The following PLD5 variants were observed in gnomAD, a reference collection of about 807,000 sequenced individuals.
PLD5 encodes inactive phospholipase D5.
PLD5 carries 36 observed loss-of-function variants against 61.1 expected under a neutral mutation model. The ratio of observed to expected loss-of-function variants is 0.59; its 90% CI spans 0.45 to 0.78. The LOEUF (loss-of-function observed/expected upper bound fraction) is 0.78, where lower values mean the gene tolerates loss of function less well. Ranked by LOEUF, PLD5 falls within the 30% of genes least tolerant of loss-of-function variation. PLD5 has a pLI of 0.00. For missense variants in PLD5, 515 were observed against 644.4 expected (o/e 0.80, Z 2.17); for synonymous variants, 243 against 242.8 (o/e 1.00, Z -0.01).
rs991011141 is a variant in PLD5 at position 242,085,631 on chromosome 1, A to T, written c.*4223T>A. The stretch of plus-strand genomic sequence containing the variant: ...GAAGTTATATTAATTTTGCCTTTAA[A>T]AGGTGTATAATAAAGCACACCAGTT... On this transcript the variant is annotated 3_prime_UTR_variant, in exon 10 of 10. Coordinates refer to ENST00000536534, the MANE Select transcript of PLD5 (RefSeq NM_001372062.1). 9 of 152,260 alleles carry T rather than the reference A, an allele frequency of 5.9e-5. No individual in the cohort carries two copies. Among genetic ancestry groups the T allele is most frequent in the African/African-American group, 2.2e-4 (9 of 41,470 alleles). 9.4% of individuals were successfully genotyped at this position (152,260 alleles called of 1,614,324 possible). A position where few individuals can be genotyped will look rare whatever the true frequency, so the allele number is the denominator to read the frequency against.
intron 1 of PLD5, among the ~76,000 whole-genome samples, chr1:242,455,220 C>A (rs772558505): frequency 2.0e-5 from 3 of 152,176 alleles, no homozygotes; most frequent in Non-Finnish European, 4.4e-5. Context: ...ATTTGCAAAT[C>A]ATTTGAAAGG....
chr1:242,377,914 G>T (rs1379461975), intron 1 of PLD5, among the ~76,000 whole-genome samples: 4 of 152,196 alleles, frequency 2.6e-5, no homozygotes, highest in African/African-American at 4.8e-5. Context: ...TACATTGTTG[G>T]TGGGAATGTA....
intron 1 of PLD5, among the ~76,000 whole-genome samples, chr1:242,483,532 A>G (rs1009529104): frequency 7.2e-5 from 11 of 152,240 alleles, no homozygotes; most frequent in African/African-American, 2.7e-4. Context: ...ATATGCACCC[A>G]ATACAGGAGC....
chr1:242,396,721 GGA>G (rs1663603509), intron 1 of PLD5, among the ~76,000 whole-genome samples: 2 of 137,146 alleles, frequency 1.5e-5, no homozygotes, highest in Non-Finnish European at 1.5e-5. Context: ...TCACCAGGCT[GGA>G]GTGCAGTGGC....
chr1:242,127,832 T>A (rs1035023038), intron 5 of PLD5, among the ~76,000 whole-genome samples: 1 of 151,806 alleles, frequency 6.6e-6, no homozygotes, highest in Non-Finnish European at 1.5e-5. Context: ...AAATCAATGC[T>A]ATTCAAGCCT....
chr1:242,438,718 G>A (rs563415316), intron 1 of PLD5, among the ~76,000 whole-genome samples: 2 of 152,186 alleles, frequency 1.3e-5, no homozygotes, highest in African/African-American at 4.8e-5. Context: ...GTGAGCCACC[G>A]CACCCGGCCT....
chr1:242,347,047 C>A (rs1343258413), intron 2 of PLD5, among the ~76,000 whole-genome samples: 2 of 152,288 alleles, frequency 1.3e-5, no homozygotes, highest in Non-Finnish European at 2.9e-5. Flanking sequence ...GGAAGAAAAT[C>A]TAAAATGTGT....
intron 2 of PLD5, among the ~76,000 whole-genome samples, chr1:242,297,621 C>CTTT (rs56851216): frequency 6.5e-5 from 7 of 107,218 alleles, no homozygotes; most frequent in Admixed American, 2.0e-4. Flanking sequence ...ATTCATGTTT[C>CTTT]TTTTTTTTTT....
chr1:242,115,774 T>A (rs1661900217), intron 6 of PLD5, among the ~76,000 whole-genome samples: 1 of 152,142 alleles, frequency 6.6e-6, no homozygotes, highest in Non-Finnish European at 1.5e-5. Context: ...CTGAGGGAGC[T>A]ATTAAGATGC....
At chr1:242,459,832 A>G (rs1475361461) in intron 1 of PLD5, among the ~76,000 whole-genome samples, 4 of 152,116 alleles carry the variant, frequency 2.6e-5, no homozygotes, top group African/African-American at 4.8e-5. Flanking sequence ...CTCTTGTGGA[A>G]AGCCTATAAA....
At chr1:242,225,527 T>C (rs1332870202) in intron 4 of PLD5, among the ~76,000 whole-genome samples, 2 of 150,504 alleles carry the variant, frequency 1.3e-5, no homozygotes, top group South Asian at 4.2e-4. Context: ...CAGTGGTTTC[T>C]CTTTGCTGTT....
At chr1:242,189,445 CAAAAAA>C (rs58476673) in intron 5 of PLD5, among the ~76,000 whole-genome samples, 2 of 70,446 alleles carry the variant, frequency 2.8e-5, no homozygotes, top group East Asian at 5.2e-4. Flanking sequence ...GACTCCATCT[CAAAAAA>C]AAAAAAAAAA....
At chr1:242,465,343 A>T (rs1350206255) in intron 1 of PLD5, among the ~76,000 whole-genome samples, 2 of 152,204 alleles carry the variant, frequency 1.3e-5, no homozygotes, top group Non-Finnish European at 2.9e-5. Context: ...GGATTATTAC[A>T]TGGACTCCTA....
chr1:242,106,135 A>G (rs1353130226), intron 8 of PLD5, among the ~76,000 whole-genome samples: 2 of 152,186 alleles, frequency 1.3e-5, no homozygotes, highest in Admixed American at 1.3e-4. Flanking sequence ...ATGGGCCTCC[A>G]AGCCTTCCCT....
intron 1 of PLD5, among the ~76,000 whole-genome samples, chr1:242,414,788 A>G (rs2149292159): frequency 6.6e-6 from 1 of 152,378 alleles, no homozygotes; most frequent in Middle Eastern, 3.4e-3. Context: ...TTACATAGAA[A>G]TAAGACTAAA....
chr1:242,445,338 GTTGT>G (rs1396727436), intron 1 of PLD5, among the ~76,000 whole-genome samples: 3 of 152,188 alleles, frequency 2.0e-5, no homozygotes, highest in South Asian at 2.1e-4. Flanking sequence ...ATTAATTTCT[GTTGT>G]TTGTTTGTTT....
intron 1 of PLD5, among the ~76,000 whole-genome samples, chr1:242,499,511 G>A (rs1320686232): frequency 1.1e-4 from 17 of 151,914 alleles, no homozygotes; most frequent in Admixed American, 7.2e-4. Context: ...GATTATGTCC[G>A]TGGCCTTTGC....
At chr1:242,163,374 A>C (rs1666032498) in intron 5 of PLD5, among the ~76,000 whole-genome samples, 1 of 151,742 alleles carries the variant, frequency 6.6e-6, no homozygotes, top group Non-Finnish European at 1.5e-5. Flanking sequence ...CCATCTCCTG[A>C]CCTCGTGATC....
chr1:242,336,733 T>C (rs1343901743), intron 2 of PLD5, among the ~76,000 whole-genome samples: 1 of 151,988 alleles, frequency 6.6e-6, no homozygotes, highest in African/African-American at 2.4e-5. Context: ...TCTGTATATA[T>C]TAGTTTTTCT....
Sources: allele counts gnomAD v4.1 joint callset (sites outside exome capture counted in the v4.1 genomes callset), GRCh38; gene constraint gnomAD v4.1.1; transcripts MANE v1.5; gene names NCBI Gene and HGNC (gene_info 2026-07-23, HGNC 2026-07-21).